CSGALNACT1: variants seen among roughly 807,000 people sequenced by gnomAD.
CSGALNACT1 encodes beta4GalNAcT-1.
CSGALNACT1 carries 52 observed loss-of-function variants against 51.0 expected under a neutral mutation model. The observed-to-expected ratio is 1.02, with a 90% CI of 0.82 to 1.29. The LOEUF (loss-of-function observed/expected upper bound fraction) is 1.29, where lower values mean the gene tolerates loss of function less well. Among genes scored for constraint, CSGALNACT1 ranks in the 50% most tolerant of loss-of-function variants. The pLI is 0.00. For missense variants in CSGALNACT1, 935 were observed against 679.2 expected, an observed-to-expected ratio of 1.38 and a Z score of -4.19; for synonymous variants, 341 against 254.4, an observed-to-expected ratio of 1.34 and a Z score of -3.24.
At chr8:19,666,428 C>A (rs532520661) in intron 1 of CSGALNACT1, among the ~76,000 whole-genome samples, 100 of 152,078 alleles carry the variant, frequency 6.6e-4, no homozygotes, top group Non-Finnish European at 9.1e-4. Context: ...GGTGTGGTTG[C>A]TCACACCTGT....
At chr8:19,428,614 G>C (rs1040342742) in intron 6 of CSGALNACT1, among the ~76,000 whole-genome samples, 12 of 152,120 alleles carry the variant, frequency 7.9e-5, no homozygotes, top group Non-Finnish European at 1.5e-4. Context: ...AAAAAGCCTG[G>C]GTAAGCTGCC....
At chr8:19,442,827 A>C (rs1163503093) in intron 5 of CSGALNACT1, among the ~76,000 whole-genome samples, 1 of 152,156 alleles carries the variant, frequency 6.6e-6, no homozygotes, top group East Asian at 1.9e-4. Flanking sequence ...CCAAACACAG[A>C]GTCTTAAAGA....
At chr8:19,746,628 G>A (rs2064681508) in intron 1 of CSGALNACT1, among the ~76,000 whole-genome samples, 2 of 152,162 alleles carry the variant, frequency 1.3e-5, no homozygotes, top group Admixed American at 1.3e-4. Context: ...AATGATCTCA[G>A]AGATGCTATT....
intron 1 of CSGALNACT1, among the ~76,000 whole-genome samples, chr8:19,697,131 G>A (rs1456396187): frequency 2.0e-5 from 3 of 152,092 alleles, no homozygotes; most frequent in Non-Finnish European, 2.9e-5. Context: ...GCAGGAGAGT[G>A]GAGGATGGCC....
chr8:19,418,350 A>G (rs1337315616), intron 8 of CSGALNACT1, among the ~76,000 whole-genome samples: 2 of 152,224 alleles, frequency 1.3e-5, no homozygotes, highest in Non-Finnish European at 2.9e-5. Flanking sequence ...TGCAAAAATC[A>G]AGAGAAACTG....
At chr8:19,620,454 G>A (rs565864679) in intron 1 of CSGALNACT1, among the ~76,000 whole-genome samples, 2 of 148,076 alleles carry the variant, frequency 1.4e-5, no homozygotes, top group African/African-American at 5.1e-5. Flanking sequence ...CTTGAGAAAG[G>A]GTCTTGCTCT....
intron 3 of CSGALNACT1, among the ~76,000 whole-genome samples, chr8:19,529,602 G>A (rs1036340509): frequency 3.3e-5 from 5 of 152,108 alleles, no homozygotes; most frequent in Admixed American, 3.3e-4. Context: ...CAAAATAGCA[G>A]TGAATGAAAA....
intron 1 of CSGALNACT1, among the ~76,000 whole-genome samples, chr8:19,615,743 A>C (rs981487234): frequency 6.6e-6 from 1 of 152,234 alleles, no homozygotes; most frequent in Admixed American, 6.5e-5. Flanking sequence ...CAGCAATCAA[A>C]AACAAGAAGA....
At chr8:19,480,415 G>A (rs2071037279) in intron 4 of CSGALNACT1, among the ~76,000 whole-genome samples, 1 of 152,140 alleles carries the variant, frequency 6.6e-6, no homozygotes, top group African/African-American at 2.4e-5. Context: ...GTGGTCTCCA[G>A]CTCCATCCAG....
exon 4 of CSGALNACT1, chr8:19,505,751 G>T: frequency 6.2e-7 from 1 of 1,614,138 alleles, no homozygotes; most frequent in South Asian, 1.1e-5. Flanking sequence ...ACATGTACAG[G>T]ACAGAGATAG....
intron 1 of CSGALNACT1, among the ~76,000 whole-genome samples, chr8:19,623,842 T>C (rs2054126950): frequency 6.6e-6 from 1 of 152,232 alleles, no homozygotes; most frequent in Non-Finnish European, 1.5e-5. Flanking sequence ...GGGGAAATAA[T>C]GGTCCCTCTT....
intron 1 of CSGALNACT1, among the ~76,000 whole-genome samples, chr8:19,611,282 C>T (rs1035964543): frequency 1.3e-5 from 2 of 152,178 alleles, no homozygotes; most frequent in African/African-American, 4.8e-5. Context: ...TTCATCTCCT[C>T]CAAAATATAT....
At chr8:19,648,267 G>C (rs987194244) in intron 1 of CSGALNACT1, among the ~76,000 whole-genome samples, 2 of 152,106 alleles carry the variant, frequency 1.3e-5, no homozygotes, top group African/African-American at 2.4e-5. Flanking sequence ...GTATGGATGG[G>C]TATTTTTACT....
At chr8:19,662,449 A>G (rs879297523) in intron 1 of CSGALNACT1, among the ~76,000 whole-genome samples, 2 of 152,178 alleles carry the variant, frequency 1.3e-5, no homozygotes, top group Admixed American at 1.3e-4. Flanking sequence ...TATGTTCTTA[A>G]CACTCCTACT....
chr8:19,757,107 C>A lies in CSGALNACT1; in HGVS notation c.-297+743G>T, dbSNP rs1006249606. The A allele has an allele frequency of 1.2e-4, 18 of 150,082 alleles. No homozygotes were observed. The highest frequency in any genetic ancestry group is 4.1e-4 in the African/African-American group (17 of 41,208). The allele number at this position is 150,082 out of a possible 1,614,324, so 9.3% of individuals were successfully genotyped here. ...GCGGGCGCGAGCTAGGCGCGCGGGGCTGTGGGGATCTGCCGGCGCCACTGA... is the reference window on the plus strand; with the variant it reads ...GCGGGCGCGAGCTAGGCGCGCGGGGATGTGGGGATCTGCCGGCGCCACTGA... On this transcript the variant is annotated intron_variant, in intron 1 of 1. Coordinates refer to the CSGALNACT1 transcript ENST00000517494. The surrounding 1 kb of genome is among the most constrained non-coding windows in gnomAD (Gnocchi z 4.0).
At chr8:19,472,888 G>A (rs1035902435) in intron 4 of CSGALNACT1, among the ~76,000 whole-genome samples, 1 of 152,136 alleles carries the variant, frequency 6.6e-6, no homozygotes, top group African/African-American at 2.4e-5. Context: ...GGGTTACTTT[G>A]AAGATTAAAT....
intron 3 of CSGALNACT1, among the ~76,000 whole-genome samples, chr8:19,585,970 C>A (rs1395238243): frequency 6.6e-6 from 1 of 152,182 alleles, no homozygotes; most frequent in Non-Finnish European, 1.5e-5. Flanking sequence ...GCAGGCAGAG[C>A]CCCCAGGAGG....
intron 1 of CSGALNACT1, among the ~76,000 whole-genome samples, chr8:19,670,003 C>A (rs2154197154): frequency 6.6e-6 from 1 of 152,238 alleles, no homozygotes; most frequent in African/African-American, 2.4e-5. Context: ...TTATTTCCAC[C>A]TGGAATTCTT....
chr8:19,465,088 C>A (rs116847006), intron 4 of CSGALNACT1, among the ~76,000 whole-genome samples: 265 of 152,280 alleles, frequency 1.7e-3, no homozygotes, highest in South Asian at 3.1e-3. Flanking sequence ...AAGATAAAAA[C>A]AACTCACACC....
Sources: gnomAD v4.1 joint callset for allele counts (sites outside exome capture counted in the v4.1 genomes callset) on GRCh38, gnomAD v4.1.1 for gene constraint, Gnocchi (gnomAD v3.1) non-coding constraint, MANE v1.5 for transcripts, NCBI Gene and HGNC (gene_info 2026-07-23, HGNC 2026-07-21) for gene names.